Variants in FBXO4 observed in about 807,000 individuals in gnomAD.
The protein encoded by FBXO4 is F-box only protein 4.
In FBXO4, 36 loss-of-function variants were observed where a neutral mutation model predicts 43.7. The ratio of observed to expected loss-of-function variants is 0.82; its 90% confidence interval spans 0.63 to 1.09. The LOEUF is 1.09. FBXO4 is among the 50% of genes least tolerant of loss of function. FBXO4 has a pLI of 0.00. For missense variants in FBXO4, 435 were observed against 474.1 expected (o/e 0.92, Z 0.77); for synonymous variants, 180 against 165.6 (o/e 1.09, Z -0.67).
chr5:41,973,314 A>G, the FBXO4 span, among the ~76,000 whole-genome samples: 1 of 152,220 alleles, frequency 6.6e-6, no homozygotes, highest in Non-Finnish European at 1.5e-5. Context: ...GCGCATATTT[A>G]AAATGTTCCT....
At chr5:42,012,132 T>C in the FBXO4 span, among the ~76,000 whole-genome samples, 2 of 152,180 alleles carry the variant, frequency 1.3e-5, no homozygotes, top group African/African-American at 2.4e-5. Flanking sequence ...TCTGATGGGT[T>C]CAGGAAACCC....
At chr5:41,952,394 T>C in the FBXO4 span, among the ~76,000 whole-genome samples, 1 of 152,346 alleles carries the variant, frequency 6.6e-6, no homozygotes, top group East Asian at 1.9e-4. Context: ...TGTCCATTTA[T>C]AAAAATTGAC....
the FBXO4 span, among the ~76,000 whole-genome samples, chr5:41,972,044 C>G: frequency 6.6e-6 from 1 of 152,022 alleles, no homozygotes; most frequent in Non-Finnish European, 1.5e-5. Context: ...CAAGGATGCC[C>G]ACTCTCATCA....
At chr5:42,001,949 A>G in the FBXO4 span, among the ~76,000 whole-genome samples, 1 of 152,108 alleles carries the variant, frequency 6.6e-6, no homozygotes, top group Non-Finnish European at 1.5e-5. Flanking sequence ...TGCTCGCTTC[A>G]GTCTCCCAAA....
the FBXO4 span, among the ~76,000 whole-genome samples, chr5:41,977,244 A>G: frequency 1.3e-5 from 2 of 152,134 alleles, no homozygotes; most frequent in South Asian, 4.1e-4. Flanking sequence ...TTTTAGTCAT[A>G]CTAATATCTC....
At chr5:41,929,585 A>G (rs1480056611) in intron 2 of FBXO4, 112 bp from the exon 3 acceptor site, 2 of 748,088 alleles carry the variant, frequency 2.7e-6, no homozygotes, top group Non-Finnish European at 4.3e-6. Flanking sequence ...GATTGGGACT[A>G]TATAATCATT....
At chr5:42,036,689 C>T in the FBXO4 span, among the ~76,000 whole-genome samples, 1 of 151,984 alleles carries the variant, frequency 6.6e-6, no homozygotes, top group African/African-American at 2.4e-5. Flanking sequence ...TTGGAATTTC[C>T]AGAGGATAAG....
At chr5:41,948,398 G>A in the FBXO4 span, among the ~76,000 whole-genome samples, 1 of 152,160 alleles carries the variant, frequency 6.6e-6, no homozygotes, top group African/African-American at 2.4e-5. Flanking sequence ...GCCTCCCAAA[G>A]TACTGGGATT....
At chr5:42,001,214 G>T in the FBXO4 span, among the ~76,000 whole-genome samples, 1,574 of 136,134 alleles carry the variant, frequency 0.012, 31 homozygotes, top group African/African-American at 0.04. Context: ...TGAAAACATT[G>T]TCATTCATTC....
chr5:41,992,086 A>AT, the FBXO4 span, among the ~76,000 whole-genome samples: 61 of 152,014 alleles, frequency 4.0e-4, no homozygotes, highest in African/African-American at 7.0e-4. Context: ...CTCATAAAAA[A>AT]ATATATATAT....
At chr5:41,997,578 G>C in the FBXO4 span, among the ~76,000 whole-genome samples, 762 of 152,246 alleles carry the variant, frequency 5.0e-3, 6 homozygotes, top group African/African-American at 0.018. Context: ...AAAACCACAG[G>C]ATGAGTCCAG....
chr5:41,991,365 C>G, the FBXO4 span, among the ~76,000 whole-genome samples: 1 of 152,158 alleles, frequency 6.6e-6, no homozygotes, highest in Non-Finnish European at 1.5e-5. Context: ...TACTCCTAAC[C>G]TAAAACTAGG....
In FBXO4 at chr5:41,941,332, G is replaced by T. The variant is rs764544972; in HGVS notation, c.*51G>T. 8.6e-6 allele frequency: 13 copies of T among 1,512,616 alleles called. No individual in the cohort carries two copies. Among genetic ancestry groups the T allele is most frequent in the South Asian group, 3.4e-5 (3 of 88,572 alleles). 93.7% of individuals were successfully genotyped at this position (1,512,616 alleles called of 1,614,324 possible). A position where few individuals can be genotyped will look rare whatever the true frequency, so the allele number is the denominator to read the frequency against. Reference sequence around the variant, plus strand: ...AAACCATTTGAAATTTATTACTAAGGTCGTGATGTGAATATTTGCTCAGTC... The same window carrying T: ...AAACCATTTGAAATTTATTACTAAGTTCGTGATGTGAATATTTGCTCAGTC... On this transcript the variant is annotated 3_prime_UTR_variant, in exon 7 of 7. Coordinates refer to ENST00000281623, the MANE Select transcript of FBXO4 (RefSeq NM_012176.3).
chr5:41,983,106 T>G, the FBXO4 span, among the ~76,000 whole-genome samples: 1 of 152,200 alleles, frequency 6.6e-6, no homozygotes, highest in South Asian at 2.1e-4. Flanking sequence ...ATTTTCTTTC[T>G]CCAGTCTATC....
In FBXO4 at chr5:41,933,983, A is replaced by G. The variant is rs761764703; in HGVS notation, c.684A>G (p.Gln228=). The change falls in exon 4 of 7, where the codon CAA becomes CAG. Residue 228 remains glutamine (Q), a synonymous_variant. Transcript: ENST00000281623. ...GAGTCAATTTTCAGTTGAACAACCA[A>G]CATAAATTCAACATTCTAATCTTAT... is the stretch of plus-strand genomic sequence containing the variant. ...GSGVNFQLNN[Q]HKFNILILYS... is the part of the protein sequence containing the mutation. 5.1e-5 allele frequency: 83 copies of G among 1,613,744 alleles called. No individual in the cohort carries two copies. Among genetic ancestry groups the G allele is most frequent in the Non-Finnish European group, 2.0e-5 (24 of 1,179,966 alleles).
At chr5:42,025,316 G>T in the FBXO4 span, among the ~76,000 whole-genome samples, 6 of 152,106 alleles carry the variant, frequency 3.9e-5, no homozygotes, top group Non-Finnish European at 7.4e-5. Context: ...ATAATGTTGA[G>T]CACCTTTTCA....
chr5:41,929,697 C>T lies in FBXO4; in HGVS notation c.426C>T (p.Val142=). ...TDGAFFDYMA[V]YRMCCPYTRR... ...TTCTAATTGTGACAATTTTTTACAG[C>T]TATAGAATGTGCTGTCCATACACAA... Residue 142 remains valine (V), a splice_region_variant and synonymous_variant, in exon 3 of 7, where the codon GTC becomes GTT. Coordinates refer to ENST00000281623, the MANE Select transcript of FBXO4 (RefSeq NM_012176.3). 1.9e-6 allele frequency: 3 copies of T among 1,594,384 alleles called. No individual in the cohort carries two copies. Among genetic ancestry groups the T allele is most frequent in the African/African-American group, 1.3e-5 (1 of 74,274 alleles).
rs1176668197 is a variant in FBXO4 at position 41,925,325 on chromosome 5, C to T, written c.16C>T (p.Pro6Ser). The stretch of plus-strand genomic sequence containing the variant: ...CGGGCAAGCCATGGCGGGAAGCGAG[C>T]CGCGCAGCGGAACAAACTCGCCGCC... MAGSE[P>S]RSGTNSPPPP... The change falls in exon 1 of 7, where the codon CCG (proline) becomes TCG (serine). Residue 6 changes from proline (P) to serine (S), a missense_variant. By Grantham distance (74) the Pro-to-Ser change is moderately conservative (BLOSUM62 -1). Transcript: ENST00000281623. The T allele has an allele frequency of 3.0e-6, 4 of 1,343,786 alleles. No individual in the cohort carries two copies. The highest frequency in any genetic ancestry group is 1.5e-5 in the African/African-American group (1 of 65,192). The allele number at this position is 1,343,786 out of a possible 1,614,324, so 83.2% of individuals were successfully genotyped here.
the FBXO4 span, among the ~76,000 whole-genome samples, chr5:42,005,325 T>C: frequency 6.6e-6 from 1 of 152,184 alleles, no homozygotes; most frequent in Non-Finnish European, 1.5e-5. Context: ...GTGATGGCTA[T>C]ACGTGCACAG....
Sources: allele counts gnomAD v4.1 joint callset (sites outside exome capture counted in the v4.1 genomes callset), GRCh38; gene constraint gnomAD v4.1.1; transcripts MANE v1.5; gene names NCBI Gene and HGNC (gene_info 2026-07-23, HGNC 2026-07-21).